Variants in SELENOF observed in about 807,000 individuals in gnomAD.
The protein encoded by SELENOF is selenoprotein F, also known as 15 kDa selenoprotein.
A neutral mutation model predicts 20.5 loss-of-function variants in SELENOF; 16 were observed. That is an observed-to-expected ratio of 0.78 (90% CI 0.53 to 1.19). The LOEUF (loss-of-function observed/expected upper bound fraction) is 1.19, where lower values mean the gene tolerates loss of function less well. SELENOF is among the 50% of genes most tolerant of loss of function. The pLI is 0.00. For synonymous variants in SELENOF, 78 were observed against 74.5 expected, an observed-to-expected ratio of 1.05 and a Z score of -0.24; for missense variants, 215 against 194.2, an observed-to-expected ratio of 1.11 and a Z score of -0.64.
intron 2 of SELENOF, chr1:86,887,211 A>G (rs755914913): frequency 4.3e-5 from 66 of 1,531,652 alleles, no homozygotes; most frequent in African/African-American, 3.3e-4. Flanking sequence ...GGATTAGGGG[A>G]AAAAAAATCA....
chr1:86,883,662 C>A (rs1361252271), intron 2 of SELENOF, among the ~76,000 whole-genome samples: 4 of 152,016 alleles, frequency 2.6e-5, no homozygotes, highest in African/African-American at 7.3e-5. Flanking sequence ...ACTACCTTAC[C>A]TAATAATATT....
chr1:86,884,166 TA>T (rs577246085), intron 2 of SELENOF, among the ~76,000 whole-genome samples: 35 of 152,140 alleles, frequency 2.3e-4, no homozygotes, highest in Admixed American at 4.6e-4. Flanking sequence ...ATAACAAAAT[TA>T]AATGCCTCTT....
intron 3 of SELENOF, among the ~76,000 whole-genome samples, chr1:86,868,915 T>C (rs1243825522): frequency 2.0e-5 from 3 of 152,108 alleles, no homozygotes; most frequent in African/African-American, 7.2e-5. Flanking sequence ...ACATCTAATA[T>C]ATAAAAGGGC....
At chr1:86,912,507 G>C (rs1277430713) in intron 1 of SELENOF, among the ~76,000 whole-genome samples, 1 of 152,156 alleles carries the variant, frequency 6.6e-6, no homozygotes, top group East Asian at 1.9e-4. Flanking sequence ...ATGTGAACTA[G>C]TCTTGTGACT....
At position 86,866,942 on chromosome 1, in the gene SELENOF, T is replaced by C. The variant is rs146894900; in HGVS notation, c.366+1111A>G. Among the ~76,000 whole-genome samples, 459 of 152,300 alleles carry C rather than the reference T, an allele frequency of 3.0e-3. 6 individuals carry two copies. The highest frequency in any genetic ancestry group is 0.011 in the African/African-American group (438 of 41,554). Reference sequence around the variant, plus strand: ...CAATCTTAACTGTATGACCCAGCAATTGCACTCAGTTATTTACCTCAATGA... The same window carrying C: ...CAATCTTAACTGTATGACCCAGCAACTGCACTCAGTTATTTACCTCAATGA... On this transcript the variant is annotated intron_variant, in intron 4 of 4. Transcript: ENST00000331835.
At chr1:86,904,865 T>A (rs1473948241) in intron 1 of SELENOF, among the ~76,000 whole-genome samples, 3 of 152,244 alleles carry the variant, frequency 2.0e-5, no homozygotes, top group African/African-American at 4.8e-5. Flanking sequence ...CAGTTCTGTT[T>A]TTGGCTCTCT....
intron 2 of SELENOF, among the ~76,000 whole-genome samples, chr1:86,882,247 C>CAAAAAAAAAAAAAAAAAAAA (rs61037512): frequency 1.6e-5 from 1 of 61,860 alleles, no homozygotes; most frequent in Non-Finnish European, 3.3e-5. Context: ...GACTCTGTCT[C>CAAAAAAAAAAAAAAAAAAAA]AAAAAAAAAA....
chr1:86,867,109 A>G (rs980614406), intron 4 of SELENOF, among the ~76,000 whole-genome samples: 2 of 152,228 alleles, frequency 1.3e-5, no homozygotes, highest in African/African-American at 2.4e-5. Flanking sequence ...ATTCAGTAAT[A>G]AGAAGCCAAT....
At chr1:86,875,123 C>G (rs1213543789) in intron 3 of SELENOF, among the ~76,000 whole-genome samples, 1 of 152,032 alleles carries the variant, frequency 6.6e-6, no homozygotes. Context: ...TGCCTGTAAT[C>G]CCAGCTACTT....
At chr1:86,899,351 A>T (rs1659610834) in intron 2 of SELENOF, among the ~76,000 whole-genome samples, 1 of 133,320 alleles carries the variant, frequency 7.5e-6, no homozygotes, top group African/African-American at 3.2e-5. Flanking sequence ...CTCACTTCCC[A>T]GTAGGGGCGG....
chr1:86,890,472 C>G (rs1167976422), intron 2 of SELENOF, among the ~76,000 whole-genome samples: 2 of 151,886 alleles, frequency 1.3e-5, no homozygotes, highest in Non-Finnish European at 2.9e-5. Context: ...TACCTTCTAC[C>G]CTCTACTTAA....
At position 86,863,277 on chromosome 1, in the gene SELENOF, T is replaced by TA. The variant is rs1658506476; in HGVS notation, c.*196dup. ...ACAAATGCAGGAGGATGGACATTTA[T>TA]AAAAAATGGGTTTTGTTAAGCTTGC... On this transcript the variant is annotated 3_prime_UTR_variant, in exon 5 of 5. Transcript: ENST00000331835. 1 of 426,768 alleles carries TA rather than the reference T, an allele frequency of 2.3e-6. No individual in the cohort carries two copies. Among genetic ancestry groups the TA allele is most frequent in the Non-Finnish European group, 4.1e-6 (1 of 243,646 alleles). The allele number at this position is 426,768 out of a possible 1,614,324, so 26.4% of individuals were successfully genotyped here. A position where few individuals can be genotyped will look rare whatever the true frequency, so the allele number is the denominator to read the frequency against.
intron 4 of SELENOF, among the ~76,000 whole-genome samples, chr1:86,867,545 G>C (rs1200138809): frequency 6.6e-6 from 1 of 151,764 alleles, no homozygotes; most frequent in African/African-American, 2.4e-5. Flanking sequence ...TGGTTGCCAG[G>C]GGGTGGGGAA....
intron 3 of SELENOF, among the ~76,000 whole-genome samples, chr1:86,868,939 T>G (rs1658682012): frequency 6.6e-6 from 1 of 151,960 alleles, no homozygotes; most frequent in Non-Finnish European, 1.5e-5. Flanking sequence ...TACAAATAAT[T>G]AAGAAAAAAC....
chr1:86,900,089 T>G (rs1026942670), intron 2 of SELENOF, among the ~76,000 whole-genome samples: 168 of 149,880 alleles, frequency 1.1e-3, no homozygotes, highest in African/African-American at 3.6e-3. Flanking sequence ...GCAGAGACGC[T>G]CCTCACTTTC....
chr1:86,871,681 C>CA (rs1658773786), intron 3 of SELENOF, among the ~76,000 whole-genome samples: 1 of 152,060 alleles, frequency 6.6e-6, no homozygotes, highest in African/African-American at 2.4e-5. Flanking sequence ...TATTTAATTT[C>CA]TCAATGTAAA....
intron 2 of SELENOF, among the ~76,000 whole-genome samples, chr1:86,897,071 C>A (rs910253662): frequency 6.6e-6 from 1 of 152,012 alleles, no homozygotes; most frequent in Admixed American, 6.6e-5. Context: ...TTTGGGAGGC[C>A]GAGTTGGGTG....
At chr1:86,908,346 T>A (rs1485585987) in intron 1 of SELENOF, among the ~76,000 whole-genome samples, 2 of 152,230 alleles carry the variant, frequency 1.3e-5, no homozygotes, top group Non-Finnish European at 2.9e-5. Context: ...CAAGCTTTTA[T>A]AAACCAGCAG....
intron 2 of SELENOF, among the ~76,000 whole-genome samples, chr1:86,900,086 C>T (rs1263911159): frequency 6.6e-6 from 1 of 150,460 alleles, no homozygotes; most frequent in Non-Finnish European, 1.5e-5. Flanking sequence ...CGGGCAGAGA[C>T]GCTCCTCACT....
Sources: gnomAD v4.1 joint callset for allele counts (sites outside exome capture counted in the v4.1 genomes callset) on GRCh38, gnomAD v4.1.1 for gene constraint, MANE v1.5 for transcripts, NCBI Gene and HGNC (gene_info 2026-07-23, HGNC 2026-07-21) for gene names.